Variants in PRKN observed in about 807,000 individuals in gnomAD.
The protein encoded by PRKN is parkin RBR E3 ubiquitin protein ligase, also known as E3 ubiquitin-protein ligase parkin.
In PRKN, 56 loss-of-function variants were observed where a neutral mutation model predicts 59.5. That is an observed-to-expected ratio of 0.94 (90% CI 0.76 to 1.18). The LOEUF is 1.18. PRKN is among the 50% of genes most tolerant of loss of function. PRKN has a pLI of 0.00. For missense variants in PRKN, 657 were observed against 596.4 expected, an observed-to-expected ratio of 1.10 and a Z score of -1.06; for synonymous variants, 250 against 222.1, an observed-to-expected ratio of 1.13 and a Z score of -1.12.
chr6:162,530,882 C>A (rs1029577923), intron 1 of PRKN, among the ~76,000 whole-genome samples: 1 of 150,024 alleles, frequency 6.7e-6, no homozygotes, highest in Non-Finnish European at 1.5e-5. Context: ...CATGGTGAAA[C>A]CCTGTCTCTA....
At chr6:162,097,317 T>G (rs1779788093) in intron 4 of PRKN, among the ~76,000 whole-genome samples, 1 of 152,226 alleles carries the variant, frequency 6.6e-6, no homozygotes, top group African/African-American at 2.4e-5. Flanking sequence ...GAACACATAT[T>G]ATGTGTCTTG....
chr6:161,680,775 A>ATATATATATTTT (rs1216235673), intron 7 of PRKN, among the ~76,000 whole-genome samples: 4 of 30,624 alleles, frequency 1.3e-4, no homozygotes, highest in Non-Finnish European at 1.8e-4. Context: ...ATATATATAT[A>ATATATATATTTT]TTTTTTTTTT....
chr6:161,383,683 C>T (rs1158781433), intron 10 of PRKN, among the ~76,000 whole-genome samples: 1 of 152,208 alleles, frequency 6.6e-6, no homozygotes, highest in African/African-American at 2.4e-5. Context: ...CTTTACAGGC[C>T]TGGGGTGGTC....
intron 2 of PRKN, among the ~76,000 whole-genome samples, chr6:162,296,942 T>C (rs1306651345): frequency 1.3e-5 from 2 of 151,992 alleles, no homozygotes; most frequent in Non-Finnish European, 2.9e-5. Context: ...AAAAATAAAG[T>C]ACATCTCCAG....
intron 2 of PRKN, among the ~76,000 whole-genome samples, chr6:162,308,216 C>T (rs1782320675): frequency 6.6e-6 from 1 of 152,156 alleles, no homozygotes; most frequent in African/African-American, 2.4e-5. Flanking sequence ...CGATGAAATG[C>T]AGCCACTGTG....
At chr6:162,632,032 G>A (rs930025627) in intron 1 of PRKN, among the ~76,000 whole-genome samples, 3 of 150,830 alleles carry the variant, frequency 2.0e-5, no homozygotes, top group Non-Finnish European at 2.9e-5. Flanking sequence ...AAAAGGAAAC[G>A]CTTATACACT....
intron 6 of PRKN, among the ~76,000 whole-genome samples, chr6:161,914,831 G>A (rs1778495536): frequency 6.6e-6 from 1 of 151,902 alleles, no homozygotes; most frequent in Admixed American, 6.6e-5. Flanking sequence ...AAGCAGGAGA[G>A]GGATGTTTCC....
intron 4 of PRKN, among the ~76,000 whole-genome samples, chr6:162,076,247 G>A (rs1778823031): frequency 6.6e-6 from 1 of 152,070 alleles, no homozygotes; most frequent in African/African-American, 2.4e-5. Flanking sequence ...GGGATTACAG[G>A]TTGCAAGCCA....
At chr6:161,843,440 A>C (rs1296882430) in intron 6 of PRKN, among the ~76,000 whole-genome samples, 2 of 152,166 alleles carry the variant, frequency 1.3e-5, no homozygotes, top group African/African-American at 4.8e-5. Context: ...TCTCACTTGG[A>C]TACTTAAGAA....
At chr6:162,664,806 C>A (rs1051212600) in intron 1 of PRKN, among the ~76,000 whole-genome samples, 2 of 152,138 alleles carry the variant, frequency 1.3e-5, no homozygotes, top group East Asian at 1.9e-4. Context: ...GGGTATACTG[C>A]AAAAATTTTC....
At chr6:161,450,738 G>T (rs1387660847) in intron 9 of PRKN, among the ~76,000 whole-genome samples, 4 of 152,068 alleles carry the variant, frequency 2.6e-5, no homozygotes, top group Non-Finnish European at 5.9e-5. Context: ...TGTATTTTTA[G>T]TAGAGACAGG....
At position 162,337,207 on chromosome 6, in the gene PRKN, C is replaced by A. The variant is rs141231965; in HGVS notation, c.172-74442G>T. ...TGTTGAACCATTTAGTATGAATCTGCCTAATTAAGCAAGAGGATTTCAAAT... is the reference window on the plus strand; with the variant it reads ...TGTTGAACCATTTAGTATGAATCTGACTAATTAAGCAAGAGGATTTCAAAT... On this transcript the variant is annotated intron_variant, in intron 2 of 11. Coordinates refer to ENST00000366898, the MANE Select transcript of PRKN (RefSeq NM_004562.3). Among the ~76,000 whole-genome samples the A allele has an allele frequency of 7.2e-4, 109 of 152,176 alleles. 2 individuals are homozygous for A. In the East Asian group the frequency reaches 0.019, roughly 26 times the overall value.
chr6:162,320,362 C>CAAAAAAAAAAAAAAAAA (rs55793911), intron 2 of PRKN, among the ~76,000 whole-genome samples: 2 of 7,296 alleles, frequency 2.7e-4, no homozygotes, highest in Non-Finnish European at 5.0e-4. Context: ...TACAAAAAGC[C>CAAAAAAAAAAAAAAAAA]AAAAAAAAAA....
chr6:162,703,936 A>G (rs1034685972), intron 1 of PRKN, among the ~76,000 whole-genome samples: 4 of 152,214 alleles, frequency 2.6e-5, no homozygotes, highest in Non-Finnish European at 5.9e-5. Flanking sequence ...CTACAAGCGC[A>G]TGACAGAGAT....
intron 1 of PRKN, among the ~76,000 whole-genome samples, chr6:162,630,766 C>T (rs954465633): frequency 3.3e-5 from 5 of 152,080 alleles, no homozygotes; most frequent in Non-Finnish European, 7.4e-5. Context: ...GATATCAATA[C>T]ATTGTAAGCA....
In PRKN at chr6:162,675,207, G is replaced by A. The variant is rs576709011; in HGVS notation, c.7+52455C>T. ...GGATTACAGGCACGCACCACCACAC[G>A]CCTGGCTAATTTTTGTATTTTTAGT... is the stretch of plus-strand genomic sequence containing the variant. On this transcript the variant is annotated intron_variant, in intron 1 of 11. Transcript: ENST00000366898. Among the ~76,000 whole-genome samples the A allele has an allele frequency of 1.4e-3, 211 of 151,842 alleles. 1 individual carries two copies. Among genetic ancestry groups the A allele is most frequent in the Admixed American group, 2.5e-3 (38 of 15,244 alleles).
At position 161,561,882 on chromosome 6, in the gene PRKN, TA is replaced by T. The variant is rs1780468603; in HGVS notation, c.933+7472del. Among the ~76,000 whole-genome samples the T allele has an allele frequency of 6.6e-6, 1 of 152,186 alleles. No homozygotes were observed. The highest frequency in any genetic ancestry group is 2.4e-5 in the African/African-American group (1 of 41,450). ...CCCCTTCTGTTCACTCTTCATCCCA[TA>T]AAACTCTGGCTCCTGTCTTTACGCA... On this transcript the variant is annotated intron_variant, in intron 8 of 11. Transcript: ENST00000366898. This position sits in a 1 kb window ranked among gnomAD's most constrained non-coding sequence, Gnocchi z 5.0.
chr6:162,536,500 G>C (rs1311577366), intron 1 of PRKN, among the ~76,000 whole-genome samples: 1 of 152,086 alleles, frequency 6.6e-6, no homozygotes, highest in Non-Finnish European at 1.5e-5. Context: ...GAACTCAGTA[G>C]AGAAAGTGAA....
intron 1 of PRKN, among the ~76,000 whole-genome samples, chr6:162,609,640 A>G (rs1378736276): frequency 6.6e-6 from 1 of 152,220 alleles, no homozygotes; most frequent in Non-Finnish European, 1.5e-5. Flanking sequence ...GCTTCAACAC[A>G]AACTTTGGAT....
Sources: gnomAD v4.1 joint callset for allele counts (sites outside exome capture counted in the v4.1 genomes callset) on GRCh38, gnomAD v4.1.1 for gene constraint, Gnocchi (gnomAD v3.1) non-coding constraint, MANE v1.5 for transcripts, NCBI Gene and HGNC (gene_info 2026-07-23, HGNC 2026-07-21) for gene names.